The following HECW2 variants were observed in gnomAD, a reference collection of about 807,000 sequenced individuals.
HECW2 encodes E3 ubiquitin-protein ligase HECW2.
HECW2 carries 61 observed loss-of-function variants against 175.2 expected under a neutral mutation model. The ratio of observed to expected loss-of-function variants is 0.35; its 90% CI spans 0.28 to 0.43. The LOEUF (loss-of-function observed/expected upper bound fraction) is 0.43. Ranked by LOEUF, HECW2 falls within the 20% of genes least tolerant of loss-of-function variation. The probability of loss-of-function intolerance (pLI) is 1.00; values close to 1 mark genes in which losing one functional copy is unlikely to be tolerated. For missense variants in HECW2, 1,524 were observed against 2,000.5 expected (o/e 0.76, Z 4.54); for synonymous variants, 671 against 731.0 (o/e 0.92, Z 1.32).
intron 2 of HECW2, among the ~76,000 whole-genome samples, chr2:196,416,814 C>A (rs1273972091): frequency 6.6e-6 from 1 of 152,212 alleles, no homozygotes; most frequent in Admixed American, 6.5e-5. Context: ...CCCATAAACA[C>A]AAGCTAACTT....
At chr2:196,319,926 C>A in intron 8 of HECW2, 22 bp from the exon 9 acceptor site, 1 of 1,552,098 alleles carries the variant, frequency 6.4e-7, no homozygotes, top group South Asian at 1.2e-5. Flanking sequence ...AACAGCATTT[C>A]TAAAAAATTA....
chr2:196,381,715 C>A (rs1299788342), intron 2 of HECW2, among the ~76,000 whole-genome samples: 1 of 152,062 alleles, frequency 6.6e-6, no homozygotes, highest in East Asian at 1.9e-4. Flanking sequence ...TCTCTGTGGA[C>A]CATGACTAGA....
intron 4 of HECW2, among the ~76,000 whole-genome samples, chr2:196,333,929 AC>A (rs1427445939): frequency 3.3e-5 from 5 of 152,316 alleles, no homozygotes; most frequent in African/African-American, 1.2e-4. Flanking sequence ...ATATCTCTAG[AC>A]ACTAGATCCA....
At chr2:196,463,577 T>C (rs1167693604) in intron 1 of HECW2, among the ~76,000 whole-genome samples, 1 of 152,192 alleles carries the variant, frequency 6.6e-6, no homozygotes, top group Non-Finnish European at 1.5e-5. Flanking sequence ...ACAGTAGTAA[T>C]TGCAGAGAAA....
At chr2:196,255,581 T>C (rs924919109) in intron 18 of HECW2, among the ~76,000 whole-genome samples, 1 of 152,230 alleles carries the variant, frequency 6.6e-6, no homozygotes, top group South Asian at 2.1e-4. Flanking sequence ...TTATTCTGAA[T>C]TGAATAATGT....
chr2:196,300,574 A>G (rs1431445866), intron 13 of HECW2, among the ~76,000 whole-genome samples: 1 of 152,204 alleles, frequency 6.6e-6, no homozygotes, highest in South Asian at 2.1e-4. Flanking sequence ...TTGTTCTTCA[A>G]TTACCACTGT....
chr2:196,392,915 CTACAG>C (rs1694556149), intron 2 of HECW2, among the ~76,000 whole-genome samples: 1 of 152,178 alleles, frequency 6.6e-6, no homozygotes, highest in African/African-American at 2.4e-5. Flanking sequence ...CACTACAAGG[CTACAG>C]TAACCCAAAC....
intron 22 of HECW2, among the ~76,000 whole-genome samples, chr2:196,227,781 A>G (rs1687907332): frequency 6.6e-6 from 1 of 152,354 alleles, no homozygotes; most frequent in Non-Finnish European, 1.5e-5. Flanking sequence ...ACCCAAAGGT[A>G]CAGAGAGGAA....
At chr2:196,462,940 G>A (rs1370917785) in intron 1 of HECW2, among the ~76,000 whole-genome samples, 4 of 152,186 alleles carry the variant, frequency 2.6e-5, no homozygotes, top group Non-Finnish European at 4.4e-5. Context: ...TCCAATACAA[G>A]AGAGAAGTGC....
intron 2 of HECW2, among the ~76,000 whole-genome samples, chr2:196,349,494 C>T (rs1003292223): frequency 6.6e-6 from 1 of 151,808 alleles, no homozygotes; most frequent in Admixed American, 6.6e-5. Flanking sequence ...GTTGGCTACA[C>T]ATTTTCTCTA....
chr2:196,335,060 G>C (rs376583757), intron 3 of HECW2, among the ~76,000 whole-genome samples: 31 of 152,280 alleles, frequency 2.0e-4, no homozygotes, highest in African/African-American at 7.0e-4. Flanking sequence ...AACAAAGCAT[G>C]GAAGTATACT....
At chr2:196,498,301 G>A (rs978463986) in intron 1 of HECW2, among the ~76,000 whole-genome samples, 14 of 152,064 alleles carry the variant, frequency 9.2e-5, no homozygotes, top group African/African-American at 3.4e-4. Context: ...TAAAAGCTAT[G>A]TAAATATCTT....
At chr2:196,297,516 C>A (rs899220917) in intron 13 of HECW2, among the ~76,000 whole-genome samples, 1 of 152,164 alleles carries the variant, frequency 6.6e-6, no homozygotes, top group African/African-American at 2.4e-5. Flanking sequence ...AATAATCAAT[C>A]CCCTCTCCTT....
At chr2:196,320,580 T>G (rs1691905069) in intron 7 of HECW2, 141 bp from the exon 8 acceptor site, 1 of 549,370 alleles carries the variant, frequency 1.8e-6, no homozygotes, top group Admixed American at 2.9e-5. Context: ...CAAAGCCCAT[T>G]ATAGTCCAAT....
intron 2 of HECW2, among the ~76,000 whole-genome samples, chr2:196,406,482 A>T (rs1694968901): frequency 6.6e-6 from 1 of 152,228 alleles, no homozygotes; most frequent in South Asian, 2.1e-4. Context: ...GCACTGCTAC[A>T]AGACTGACCT....
At chr2:196,287,056 A>G (rs1305468570) in intron 14 of HECW2, among the ~76,000 whole-genome samples, 4 of 152,224 alleles carry the variant, frequency 2.6e-5, no homozygotes, top group African/African-American at 7.2e-5. Flanking sequence ...AGAATTCTCA[A>G]ATAGGCTCAG....
chr2:196,437,083 A>T (rs1695899159), intron 1 of HECW2, among the ~76,000 whole-genome samples: 1 of 152,214 alleles, frequency 6.6e-6, no homozygotes, highest in South Asian at 2.1e-4. Context: ...GGAAACTGAG[A>T]AAGATTTGTG....
chr2:196,442,159 C>T (rs1378774553), intron 1 of HECW2, among the ~76,000 whole-genome samples: 1 of 151,774 alleles, frequency 6.6e-6, no homozygotes, highest in Non-Finnish European at 1.5e-5. Context: ...ATATTTAACT[C>T]ATTTAGTTAT....
intron 1 of HECW2, among the ~76,000 whole-genome samples, chr2:196,591,552 A>C (rs1691192636): frequency 1.3e-5 from 2 of 152,364 alleles, no homozygotes; most frequent in South Asian, 4.1e-4. Flanking sequence ...GTTCAACAAA[A>C]AGAAAAATTA....
Sources: gnomAD v4.1 joint callset for allele counts (sites outside exome capture counted in the v4.1 genomes callset) on GRCh38, gnomAD v4.1.1 for gene constraint, MANE v1.5 for transcripts, NCBI Gene and HGNC (gene_info 2026-07-23, HGNC 2026-07-21) for gene names.